Variants in MDGA2 observed in about 807,000 individuals in gnomAD.
The protein encoded by MDGA2 is MAM domain containing glycosylphosphatidylinositol anchor 2, also known as MAM domain-containing glycosylphosphatidylinositol anchor protein 2.
A neutral mutation model predicts 117.8 loss-of-function variants in MDGA2; 40 were observed. The observed-to-expected ratio is 0.34, with a 90% CI of 0.26 to 0.44. The LOEUF (loss-of-function observed/expected upper bound fraction) is 0.44. Among genes scored for constraint, MDGA2 ranks in the 20% least tolerant of loss-of-function variants. The pLI is 1.00. For synonymous variants in MDGA2, 452 were observed against 439.0 expected (o/e 1.03, Z -0.37); for missense variants, 1,123 against 1,250.6 (o/e 0.90, Z 1.54).
In MDGA2 at chr14:47,157,215, C is replaced by G. The variant is rs533781360; in HGVS notation, c.596-12941G>C. 1.4e-4 allele frequency among the ~76,000 whole-genome samples: 22 copies of G among 152,238 alleles called. No individual in the cohort carries two copies. The South Asian group carries it at 4.4e-3, about 30-fold the overall frequency. On this transcript the variant is annotated intron_variant, in intron 3 of 16. Transcript: ENST00000399232. ...TGAATAACGGGTAATCTTATTTGATCATTCATAATAAAAGACAAAATGAAT... is the reference window on the plus strand; with the variant it reads ...TGAATAACGGGTAATCTTATTTGATGATTCATAATAAAAGACAAAATGAAT...
At chr14:46,885,476 G>A (rs1882637810) in intron 10 of MDGA2, among the ~76,000 whole-genome samples, 1 of 152,086 alleles carries the variant, frequency 6.6e-6, no homozygotes, top group African/African-American at 2.4e-5. Flanking sequence ...AAGAGGCTTA[G>A]CCTCACAATG....
chr14:47,596,678 T>G (rs1389505766), intron 1 of MDGA2, among the ~76,000 whole-genome samples: 1 of 152,156 alleles, frequency 6.6e-6, no homozygotes, highest in African/African-American at 2.4e-5. Flanking sequence ...TACCAAAAAT[T>G]ACTACCAATA....
intron 1 of MDGA2, among the ~76,000 whole-genome samples, chr14:47,436,592 G>A (rs973278930): frequency 6.6e-5 from 10 of 152,064 alleles, no homozygotes; most frequent in East Asian, 3.9e-4. Flanking sequence ...CCCTCTAGCC[G>A]AGGGGTGTCC....
chr14:47,598,293 T>A (rs1249622288), intron 1 of MDGA2, among the ~76,000 whole-genome samples: 2 of 152,198 alleles, frequency 1.3e-5, no homozygotes, highest in African/African-American at 4.8e-5. Flanking sequence ...AACATAGAAC[T>A]ACTACATAGC....
At chr14:47,031,649 T>C (rs777551536) in intron 8 of MDGA2, among the ~76,000 whole-genome samples, 2 of 152,166 alleles carry the variant, frequency 1.3e-5, no homozygotes, top group South Asian at 2.1e-4. Context: ...ATCCTCAGTG[T>C]TGGAAGTGAT....
At chr14:47,380,111 C>A (rs1171760395) in intron 1 of MDGA2, among the ~76,000 whole-genome samples, 2 of 151,910 alleles carry the variant, frequency 1.3e-5, no homozygotes, top group Non-Finnish European at 2.9e-5. Flanking sequence ...ACAACCTACT[C>A]CCAAATGTAC....
chr14:47,341,325 G>A (rs553755196), intron 1 of MDGA2, among the ~76,000 whole-genome samples: 17 of 152,294 alleles, frequency 1.1e-4, no homozygotes, highest in Admixed American at 2.6e-4. Flanking sequence ...TGATGCAATG[G>A]TATGTGGCCA....
intron 1 of MDGA2, among the ~76,000 whole-genome samples, chr14:47,462,730 A>C (rs1290703184): frequency 6.6e-6 from 1 of 151,882 alleles, no homozygotes; most frequent in Non-Finnish European, 1.5e-5. Context: ...CGAACAATGA[A>C]GCATTTTTTT....
At chr14:47,292,090 A>C (rs1888911136) in intron 2 of MDGA2, among the ~76,000 whole-genome samples, 3 of 152,188 alleles carry the variant, frequency 2.0e-5, no homozygotes, top group Admixed American at 2.0e-4. Flanking sequence ...AGCTGCGCTG[A>C]TTTGGTTGTT....
intron 1 of MDGA2, among the ~76,000 whole-genome samples, chr14:47,626,165 T>C (rs1897135122): frequency 6.6e-6 from 1 of 152,254 alleles, no homozygotes; most frequent in African/African-American, 2.4e-5. Flanking sequence ...ATCAACAATC[T>C]AGGCTGAATC....
chr14:47,057,913 C>G (rs1889745263), intron 7 of MDGA2, among the ~76,000 whole-genome samples: 1 of 152,036 alleles, frequency 6.6e-6, no homozygotes, highest in African/African-American at 2.4e-5. Flanking sequence ...GCCACCATGC[C>G]TGGCCCTAAA....
At chr14:46,845,742 C>T (rs531492314) in intron 16 of MDGA2, 24 bp downstream of exon 16, 1 of 1,461,936 alleles carries the variant, frequency 6.8e-7, no homozygotes, top group Non-Finnish European at 9.5e-7. Context: ...TTACAACAAA[C>T]CAATCTCAAG....
intron 1 of MDGA2, among the ~76,000 whole-genome samples, chr14:47,604,407 G>T (rs1896702783): frequency 6.6e-6 from 1 of 151,630 alleles, no homozygotes; most frequent in South Asian, 2.1e-4. Context: ...GCCTTAAACT[G>T]CTGGACTCAA....
chr14:47,332,688 A>C (rs1487213397), intron 1 of MDGA2, among the ~76,000 whole-genome samples: 1 of 151,964 alleles, frequency 6.6e-6, no homozygotes, highest in Non-Finnish European at 1.5e-5. Context: ...TGTAAGGGGT[A>C]CAAGTGCAGT....
At chr14:47,623,889 T>C (rs1269796853) in intron 1 of MDGA2, among the ~76,000 whole-genome samples, 1 of 152,200 alleles carries the variant, frequency 6.6e-6, no homozygotes, top group Non-Finnish European at 1.5e-5. Context: ...TATACTGAAA[T>C]TATCCATCAC....
chr14:47,385,060 C>A (rs2138425577), intron 1 of MDGA2, among the ~76,000 whole-genome samples: 1 of 152,236 alleles, frequency 6.6e-6, no homozygotes, highest in Admixed American at 6.5e-5. Flanking sequence ...CTGGGTGAAG[C>A]AGCCAAACAG....
intron 3 of MDGA2, among the ~76,000 whole-genome samples, chr14:47,150,869 A>G (rs1366515351): frequency 6.7e-6 from 1 of 148,778 alleles, no homozygotes; most frequent in Non-Finnish European, 1.5e-5. Flanking sequence ...GGTTGTAGTG[A>G]GCCGAGATTG....
intron 1 of MDGA2, among the ~76,000 whole-genome samples, chr14:47,609,614 T>A (rs982725047): frequency 2.0e-5 from 3 of 150,966 alleles, no homozygotes; most frequent in Non-Finnish European, 4.4e-5. Context: ...AGTAGTGGGA[T>A]TGCTGGATCA....
intron 8 of MDGA2, among the ~76,000 whole-genome samples, chr14:46,972,783 T>C (rs1370959959): frequency 2.6e-5 from 4 of 152,102 alleles, no homozygotes; most frequent in African/African-American, 9.7e-5. Flanking sequence ...CGGGACTCTA[T>C]TGAAATTATT....
Sources: gnomAD v4.1 joint callset for allele counts (sites outside exome capture counted in the v4.1 genomes callset) on GRCh38, gnomAD v4.1.1 for gene constraint, MANE v1.5 for transcripts, NCBI Gene and HGNC (gene_info 2026-07-23, HGNC 2026-07-21) for gene names.